Variants in FANCL observed in about 807,000 individuals in gnomAD.
The protein encoded by FANCL is FA complementation group L.
FANCL carries 69 observed loss-of-function variants against 59.4 expected under a neutral mutation model. The observed-to-expected ratio is 1.16, with a 90% confidence interval of 0.96 to 1.42. FANCL has a LOEUF of 1.42. Ranked by LOEUF, FANCL falls within the 40% of genes most tolerant of loss-of-function variation. The probability of loss-of-function intolerance (pLI) is 0.00; values close to 1 mark genes in which losing one functional copy is unlikely to be tolerated. For synonymous variants in FANCL, 180 were observed against 147.1 expected, an observed-to-expected ratio of 1.22 and a Z score of -1.62; for missense variants, 519 against 447.2, an observed-to-expected ratio of 1.16 and a Z score of -1.45.
In FANCL at chr2:58,241,076, T is replaced by C. The variant is rs1165768900; in HGVS notation, c.96+142A>G. 5 of 818,182 alleles carry C rather than the reference T, an allele frequency of 6.1e-6. No homozygotes were observed. In the Admixed American group the frequency reaches 6.3e-5, roughly 10 times the overall value. 50.7% of individuals were successfully genotyped at this position (818,182 alleles called of 1,614,324 possible). On this transcript the variant is annotated intron_variant, in intron 1 of 13. Coordinates refer to ENST00000233741, the MANE Select transcript of FANCL (RefSeq NM_018062.4). ...GCGACAGCGGCGCTTCTCAAACCTT[T>C]AGTCTCCCAAGAGCCGTTACGCGCC...
intron 7 of FANCL, among the ~76,000 whole-genome samples, chr2:58,175,785 C>T (rs1296671496): frequency 1.3e-5 from 2 of 151,910 alleles, no homozygotes; most frequent in Non-Finnish European, 2.9e-5. Context: ...CTGGCCAGGG[C>T]AATTAGGCAG....
chr2:58,201,595 A>T (rs1690030233), intron 6 of FANCL, among the ~76,000 whole-genome samples: 1 of 152,008 alleles, frequency 6.6e-6, no homozygotes, highest in African/African-American at 2.4e-5. Flanking sequence ...TTCAAGTAGT[A>T]CTGATCTTGA....
intron 8 of FANCL, 23 bp downstream of exon 8, chr2:58,165,701 C>T (rs1223585719): frequency 9.3e-6 from 15 of 1,613,884 alleles, no homozygotes; most frequent in Non-Finnish European, 1.2e-5. Context: ...TAAAAACAAA[C>T]CCTTAATCCT....
At chr2:58,217,182 A>ATATTT (rs1691859333) in intron 5 of FANCL, among the ~76,000 whole-genome samples, 2 of 4,822 alleles carry the variant, frequency 4.1e-4, no homozygotes, top group African/African-American at 1.9e-3. Flanking sequence ...ATATATATAT[A>ATATTT]TATATATATA....
intron 7 of FANCL, among the ~76,000 whole-genome samples, chr2:58,166,742 A>G (rs1356098604): frequency 6.6e-6 from 1 of 152,258 alleles, no homozygotes; most frequent in South Asian, 2.1e-4. Flanking sequence ...ATAATTTAAG[A>G]ATATGATACA....
Position 58,228,856 on chromosome 2 carries a change from T to C in FANCL, c.216+958A>G, listed in dbSNP as rs192124647. On this transcript the variant is annotated intron_variant, in intron 3 of 13. Coordinates refer to ENST00000233741, the MANE Select transcript of FANCL (RefSeq NM_018062.4). ...TGCTGGTGAAAAACAGAGTAATAGA[T>C]CTTAATATTAGACTACATAAACCAT... Among the ~76,000 whole-genome samples the C allele has an allele frequency of 2.2e-3, 342 of 152,214 alleles. 1 individual carries two copies. Among genetic ancestry groups the C allele is most frequent in the African/African-American group, 7.8e-3 (323 of 41,516 alleles).
At chr2:58,239,498 C>T (rs1694318272) in intron 1 of FANCL, among the ~76,000 whole-genome samples, 2 of 152,142 alleles carry the variant, frequency 1.3e-5, no homozygotes, top group African/African-American at 2.4e-5. Context: ...CCAGGTTAGA[C>T]ATGACAACTA....
rs1558727863 is a variant in FANCL at position 58,160,179 on chromosome 2, A to T, written c.1021T>A (p.Trp341Arg). ...QPFHQICLYE[W>R]LRGLLTSRQS... Reference sequence around the variant, plus strand: ...CTACTAGTTAGTAGTCCTCTCAGCCACTGCAAATTTTAAAAGATAAAGGAG... The same window carrying T: ...CTACTAGTTAGTAGTCCTCTCAGCCTCTGCAAATTTTAAAAGATAAAGGAG... Residue 341 changes from tryptophan to arginine, a missense_variant and splice_region_variant, in exon 13 of 14, where the codon TGG becomes AGG. Transcript: ENST00000233741. 2 of 1,612,616 alleles carry T rather than the reference A, an allele frequency of 1.2e-6. No individual in the cohort carries two copies. Among genetic ancestry groups the T allele is most frequent in the Non-Finnish European group, 1.7e-6 (2 of 1,178,832 alleles).
chr2:58,164,139 A>G (rs1685619184), intron 8 of FANCL, among the ~76,000 whole-genome samples: 1 of 152,172 alleles, frequency 6.6e-6, no homozygotes, highest in Admixed American at 6.5e-5. Context: ...AATTGGCACT[A>G]GGTTCTTTTA....
chr2:58,183,187 A>G (rs1271645205), intron 7 of FANCL, among the ~76,000 whole-genome samples: 1 of 151,848 alleles, frequency 6.6e-6, no homozygotes, highest in Non-Finnish European at 1.5e-5. Flanking sequence ...AATATTTAAA[A>G]TAAAAATGAA....
intron 1 of FANCL, among the ~76,000 whole-genome samples, chr2:58,236,707 C>T (rs1694059942): frequency 6.6e-6 from 1 of 151,734 alleles, no homozygotes; most frequent in Admixed American, 6.6e-5. Flanking sequence ...CATAACAAAG[C>T]AAAGCACAGA....
chr2:58,229,863 C>G lies in FANCL; in HGVS notation c.167G>C (p.Ser56Thr), dbSNP rs778972805. The G allele has an allele frequency of 1.2e-6, 2 of 1,609,612 alleles. No homozygotes were observed. The highest frequency in any genetic ancestry group is 1.7e-5 in the Admixed American group (1 of 60,012). Reference sequence around the variant, plus strand: ...ACTAAGTATTGTTCTCAGCTGCCAACTACATAATAATCTAAAATTTTAATG... The same window carrying G: ...ACTAAGTATTGTTCTCAGCTGCCAAGTACATAATAATCTAAAATTTTAATG... The part of the protein sequence containing the change: ...LQLKNARLLC[S>T]WQLRTILSGY... Residue 56 changes from serine to threonine, a missense_variant, in exon 3 of 14, where the codon AGT (serine) becomes ACT (threonine). Transcript: ENST00000233741.
chr2:58,174,345 GCACCA>G (rs774253715), intron 7 of FANCL, among the ~76,000 whole-genome samples: 3 of 152,078 alleles, frequency 2.0e-5, no homozygotes, highest in African/African-American at 4.8e-5. Context: ...ATTTTTCTCA[GCACCA>G]CACCACACCT....
At chr2:58,217,854 G>A (rs1358209169) in intron 5 of FANCL, among the ~76,000 whole-genome samples, 1 of 151,336 alleles carries the variant, frequency 6.6e-6, no homozygotes, top group African/African-American at 2.4e-5. Flanking sequence ...ATAAATGTGA[G>A]GAATGAATAA....
intron 7 of FANCL, among the ~76,000 whole-genome samples, chr2:58,176,950 C>T (rs200014581): frequency 0.036 from 5,501 of 151,564 alleles, 111 homozygotes; most frequent in East Asian, 0.089. Context: ...AACAAACAAC[C>T]CCATCAAAAA....
chr2:58,172,522 C>A (rs1033922998), intron 7 of FANCL, among the ~76,000 whole-genome samples: 1 of 152,206 alleles, frequency 6.6e-6, no homozygotes, highest in Non-Finnish European at 1.5e-5. Context: ...CAAACTCCAA[C>A]AGACCTGCAG....
intron 7 of FANCL, among the ~76,000 whole-genome samples, chr2:58,189,304 T>G (rs1226050695): frequency 7.1e-6 from 1 of 140,504 alleles, no homozygotes; most frequent in Non-Finnish European, 1.6e-5. Context: ...GTCATTCTGA[T>G]TTATGAACAG....
chr2:58,184,860 C>G (rs1688253627), intron 7 of FANCL, among the ~76,000 whole-genome samples: 3 of 152,024 alleles, frequency 2.0e-5, no homozygotes, highest in Admixed American at 2.0e-4. Flanking sequence ...AGTTAGGAAA[C>G]ATAAAACAAG....
intron 9 of FANCL, 63 bp from the exon 10 acceptor site, chr2:58,163,137 T>C (rs1462066636): frequency 1.3e-5 from 18 of 1,380,830 alleles, no homozygotes; most frequent in Non-Finnish European, 1.7e-5. Flanking sequence ...TAAAGCCACA[T>C]TTGATACAGA....
Sources: allele counts gnomAD v4.1 joint callset (sites outside exome capture counted in the v4.1 genomes callset), GRCh38; gene constraint gnomAD v4.1.1; transcripts MANE v1.5; gene names NCBI Gene and HGNC (gene_info 2026-07-23, HGNC 2026-07-21).